UTRN: variants seen among roughly 807,000 people sequenced by gnomAD.
The protein encoded by UTRN is utrophin.
Under a neutral mutation model 463.9 loss-of-function variants are expected in UTRN, and 283 were observed. That is an observed-to-expected ratio of 0.61 (90% CI 0.55 to 0.67). The LOEUF (loss-of-function observed/expected upper bound fraction) is 0.67. Among genes scored for constraint, UTRN ranks in the 30% least tolerant of loss-of-function variants. The pLI is 0.00. For missense variants in UTRN, 3,922 were observed against 4,084.3 expected (o/e 0.96, Z 1.08); for synonymous variants, 1,442 against 1,431.5 (o/e 1.01, Z -0.17).
At chr6:144,308,771 T>G (rs1342826746) in intron 2 of UTRN, among the ~76,000 whole-genome samples, 1 of 152,226 alleles carries the variant, frequency 6.6e-6, no homozygotes, top group African/African-American at 2.4e-5. Flanking sequence ...ATCCCTATGA[T>G]TTCCCCTTTA....
At chr6:144,592,296 A>G (rs1585440570) in intron 51 of UTRN, among the ~76,000 whole-genome samples, 1 of 152,214 alleles carries the variant, frequency 6.6e-6, no homozygotes, top group East Asian at 1.9e-4. Context: ...CATCCTGATT[A>G]TGTCCAGGGT....
chr6:144,688,446 TG>T (rs1782976191), intron 52 of UTRN, among the ~76,000 whole-genome samples: 1 of 152,214 alleles, frequency 6.6e-6, no homozygotes, highest in Admixed American at 6.5e-5. Flanking sequence ...GAACCCTGTT[TG>T]GTCATATTGC....
At position 144,452,707 on chromosome 6, in the gene UTRN, G is replaced by A. The variant is rs764465883; in HGVS notation, c.2197-1075G>A. On this transcript the variant is annotated intron_variant, in intron 18 of 74. Transcript: ENST00000367545. ...ACGCTTATAATTCCAGCACAAGGCA[G>A]GAGGATTGCTTGAGCCCAGGAGTTT... is the stretch of plus-strand genomic sequence containing the variant. Among the ~76,000 whole-genome samples, 150 of 152,072 alleles carry A rather than the reference G, an allele frequency of 9.9e-4. 1 individual carries two copies. The highest frequency in any genetic ancestry group is 7.2e-4 in the Non-Finnish European group (49 of 67,986).
intron 53 of UTRN, among the ~76,000 whole-genome samples, chr6:144,702,108 T>A (rs1784657501): frequency 6.6e-6 from 1 of 152,214 alleles, no homozygotes; most frequent in Admixed American, 6.5e-5. Context: ...TTCTAATAGA[T>A]GTGCTCTGTA....
At chr6:144,747,946 C>A (rs1001216231) in intron 54 of UTRN, among the ~76,000 whole-genome samples, 3 of 152,000 alleles carry the variant, frequency 2.0e-5, no homozygotes, top group African/African-American at 7.2e-5. Flanking sequence ...TGGTTTATTT[C>A]TTGTGTTATC....
At chr6:144,454,900 T>G (rs1031574671) in intron 19 of UTRN, among the ~76,000 whole-genome samples, 1 of 152,132 alleles carries the variant, frequency 6.6e-6, no homozygotes, top group Non-Finnish European at 1.5e-5. Context: ...CACACACACA[T>G]CACTGTAGAA....
intron 2 of UTRN, among the ~76,000 whole-genome samples, chr6:144,309,462 T>C (rs1806049992): frequency 6.6e-6 from 1 of 152,236 alleles, no homozygotes; most frequent in African/African-American, 2.4e-5. Flanking sequence ...AAAGGCAATG[T>C]GATTCTTCCA....
At chr6:144,387,073 G>A (rs1388569572) in intron 2 of UTRN, among the ~76,000 whole-genome samples, 4 of 152,136 alleles carry the variant, frequency 2.6e-5, no homozygotes, top group African/African-American at 9.7e-5. Flanking sequence ...GAAAGTCTAG[G>A]TAGTTTGGTG....
chr6:144,499,894 C>T (rs1794020258), intron 34 of UTRN, among the ~76,000 whole-genome samples: 1 of 152,190 alleles, frequency 6.6e-6, no homozygotes, highest in South Asian at 2.1e-4. Flanking sequence ...CATTAATTCA[C>T]TTAGGATAAT....
At chr6:144,651,134 C>T (rs11155366) in intron 51 of UTRN, among the ~76,000 whole-genome samples, 9,344 of 151,544 alleles carry the variant, frequency 0.062, 368 homozygotes, top group Non-Finnish European at 0.081. Flanking sequence ...TTAAACCAAC[C>T]GAAATAATAA....
rs186469746 is a variant in UTRN at position 144,321,588 on chromosome 6, G to T, written c.79+29681G>T. On this transcript the variant is annotated intron_variant, in intron 2 of 74. Coordinates refer to ENST00000367545, the MANE Select transcript of UTRN (RefSeq NM_007124.3). ...GGGTTCAAGCGATTCTCCTGCCTCA[G>T]CCTCCTGAGTAGCTGAGATTACAGG... 4.7e-3 allele frequency among the ~76,000 whole-genome samples: 697 copies of T among 148,852 alleles called. 4 individuals carry two copies. The highest frequency in any genetic ancestry group is 0.016 in the African/African-American group (659 of 40,402).
At chr6:144,603,802 T>A (rs907558962) in intron 51 of UTRN, among the ~76,000 whole-genome samples, 1 of 152,192 alleles carries the variant, frequency 6.6e-6, no homozygotes, top group Non-Finnish European at 1.5e-5. Context: ...GTTACAAGAA[T>A]GGGCCCAGCA....
intron 2 of UTRN, among the ~76,000 whole-genome samples, chr6:144,302,955 C>T (rs543921659): frequency 2.6e-5 from 4 of 152,242 alleles, no homozygotes; most frequent in East Asian, 1.9e-4. Flanking sequence ...GGTCAGATTT[C>T]GAAAGCCCTT....
chr6:144,458,054 T>G (rs1355606051), intron 19 of UTRN, among the ~76,000 whole-genome samples: 6 of 152,228 alleles, frequency 3.9e-5, no homozygotes, highest in Admixed American at 1.3e-4. Flanking sequence ...TTAGGAACAT[T>G]CTCTACTTTT....
chr6:144,700,551 G>GT (rs562619008), intron 53 of UTRN, among the ~76,000 whole-genome samples: 72 of 151,438 alleles, frequency 4.8e-4, no homozygotes, highest in South Asian at 8.4e-4. Context: ...GAGGTTTTGG[G>GT]TTTTTTTTGT....
At chr6:144,586,479 A>C (rs910803741) in intron 51 of UTRN, among the ~76,000 whole-genome samples, 5 of 152,136 alleles carry the variant, frequency 3.3e-5, no homozygotes, top group Non-Finnish European at 2.9e-5. Context: ...AGTTTCTTTA[A>C]AATTTTCATG....
chr6:144,454,050 T>G (rs929906657), intron 19 of UTRN, among the ~76,000 whole-genome samples, 181 bp downstream of exon 19: 2 of 152,188 alleles, frequency 1.3e-5, no homozygotes, highest in South Asian at 2.1e-4. Flanking sequence ...TGAAGCTGAT[T>G]GTAAAAAAGC....
At chr6:144,553,128 C>T (rs1253162480) in intron 48 of UTRN, among the ~76,000 whole-genome samples, 1 of 152,188 alleles carries the variant, frequency 6.6e-6, no homozygotes, top group Non-Finnish European at 1.5e-5. Flanking sequence ...ACCTCTGCCT[C>T]CTGGGATCCA....
chr6:144,412,091 T>C (rs963489416), intron 3 of UTRN, among the ~76,000 whole-genome samples: 1 of 152,324 alleles, frequency 6.6e-6, no homozygotes, highest in South Asian at 2.1e-4. Context: ...ATACTACATA[T>C]CATACAGTCT....
Sources: gnomAD v4.1 joint callset for allele counts (sites outside exome capture counted in the v4.1 genomes callset) on GRCh38, gnomAD v4.1.1 for gene constraint, MANE v1.5 for transcripts, NCBI Gene and HGNC (gene_info 2026-07-23, HGNC 2026-07-21) for gene names.